CNTN5: variants seen among roughly 807,000 people sequenced by gnomAD.
CNTN5 encodes contactin 5, also known as contactin-5.
In CNTN5, 77 loss-of-function variants were observed where a neutral mutation model predicts 129.1. The observed-to-expected ratio is 0.60, with a 90% CI of 0.50 to 0.72. The LOEUF (loss-of-function observed/expected upper bound fraction) is 0.72, where lower values mean the gene tolerates loss of function less well. Among genes scored for constraint, CNTN5 ranks in the 30% least tolerant of loss-of-function variants. The pLI is 0.00. For synonymous variants in CNTN5, 509 were observed against 465.6 expected, an observed-to-expected ratio of 1.09 and a Z score of -1.20; for missense variants, 1,478 against 1,328.8, an observed-to-expected ratio of 1.11 and a Z score of -1.75.
chr11:99,315,245 T>A (rs1027765884), intron 1 of CNTN5, among the ~76,000 whole-genome samples: 1 of 148,912 alleles, frequency 6.7e-6, no homozygotes, highest in East Asian at 2.0e-4. Flanking sequence ...AAAAAAAAAG[T>A]ATTACAAATG....
chr11:100,183,241 C>G (rs1948193434), intron 13 of CNTN5, among the ~76,000 whole-genome samples: 1 of 152,116 alleles, frequency 6.6e-6, no homozygotes, highest in African/African-American at 2.4e-5. Flanking sequence ...TCATTGCAAT[C>G]TTAAATATTT....
intron 3 of CNTN5, among the ~76,000 whole-genome samples, chr11:99,630,735 A>G (rs1407114993): frequency 6.7e-6 from 1 of 148,592 alleles, no homozygotes; most frequent in Non-Finnish European, 1.5e-5. Context: ...TGGATTAGAC[A>G]GTAGAAACTT....
chr11:100,055,271 T>G (rs1001852985), intron 9 of CNTN5, among the ~76,000 whole-genome samples: 14 of 151,692 alleles, frequency 9.2e-5, no homozygotes, highest in Non-Finnish European at 1.8e-4. Flanking sequence ...CAGGACACAT[T>G]AGCTTATGAC....
intron 1 of CNTN5, among the ~76,000 whole-genome samples, chr11:99,111,053 G>A (rs1857771234): frequency 6.6e-6 from 1 of 152,052 alleles, no homozygotes; most frequent in Non-Finnish European, 1.5e-5. Flanking sequence ...TAGATAGTAT[G>A]AATGAAATTT....
At chr11:100,320,201 T>C (rs1221896730) in intron 21 of CNTN5, among the ~76,000 whole-genome samples, 1 of 151,802 alleles carries the variant, frequency 6.6e-6, no homozygotes, top group African/African-American at 2.4e-5. Context: ...CCCTTTTCTC[T>C]ATTTGTTATC....
At chr11:99,307,932 T>G (rs369350522) in intron 1 of CNTN5, among the ~76,000 whole-genome samples, 29 of 152,318 alleles carry the variant, frequency 1.9e-4, no homozygotes, top group African/African-American at 7.0e-4. Flanking sequence ...ACACAGAAAC[T>G]AAATCAATGT....
At chr11:99,076,372 T>C (rs1865574691) in intron 1 of CNTN5, among the ~76,000 whole-genome samples, 1 of 151,958 alleles carries the variant, frequency 6.6e-6, no homozygotes, top group South Asian at 2.1e-4. Context: ...AGTACTTTAC[T>C]TTTGAGGAGA....
At chr11:100,183,836 A>C (rs1050151861) in intron 13 of CNTN5, among the ~76,000 whole-genome samples, 2 of 152,146 alleles carry the variant, frequency 1.3e-5, no homozygotes, top group African/African-American at 4.8e-5. Flanking sequence ...AAAATTAAGA[A>C]CAAATGATTT....
chr11:99,388,496 C>T (rs959984025), intron 2 of CNTN5, among the ~76,000 whole-genome samples: 1 of 150,448 alleles, frequency 6.6e-6, no homozygotes, highest in Non-Finnish European at 1.5e-5. Context: ...TACTTGAAAG[C>T]AGATATAGTG....
intron 3 of CNTN5, among the ~76,000 whole-genome samples, chr11:99,628,016 A>T (rs1565364599): frequency 6.6e-6 from 1 of 150,996 alleles, no homozygotes; most frequent in Non-Finnish European, 1.5e-5. Flanking sequence ...ACTTAAACTG[A>T]ACATGTTTGG....
intron 3 of CNTN5, among the ~76,000 whole-genome samples, chr11:99,794,323 A>C (rs953974261): frequency 6.6e-6 from 1 of 151,628 alleles, no homozygotes; most frequent in African/African-American, 2.4e-5. Flanking sequence ...GTGTCACTGC[A>C]TGTGAGATGG....
In CNTN5 at chr11:99,478,820, T is replaced by C. The variant is rs891881853; in HGVS notation, c.-70-77325T>C. Among the ~76,000 whole-genome samples, 3 of 152,192 alleles carry C rather than the reference T, an allele frequency of 2.0e-5. No homozygotes were observed. The East Asian group carries it at 5.8e-4, about 29-fold the overall frequency. ...TGTTTCCTACTTTTAAAAATATACA[T>C]GTGCATTTTATTGATTCTATTTAAT... is the stretch of plus-strand genomic sequence containing the variant. On this transcript the variant is annotated intron_variant, in intron 2 of 24. Coordinates refer to ENST00000524871, the MANE Select transcript of CNTN5 (RefSeq NM_014361.4).
chr11:99,967,813 G>C (rs1951135387), intron 8 of CNTN5, among the ~76,000 whole-genome samples: 3 of 152,146 alleles, frequency 2.0e-5, no homozygotes, highest in South Asian at 2.1e-4. Flanking sequence ...TGTCTTACTT[G>C]GCAATTTTGT....
chr11:99,927,646 T>A (rs968710948), intron 7 of CNTN5, among the ~76,000 whole-genome samples: 1 of 152,132 alleles, frequency 6.6e-6, no homozygotes, highest in Non-Finnish European at 1.5e-5. Flanking sequence ...CTCACTGTCA[T>A]GAGAACAGCA....
intron 13 of CNTN5, among the ~76,000 whole-genome samples, chr11:100,092,295 G>T (rs557253168): frequency 6.6e-6 from 1 of 152,212 alleles, no homozygotes; most frequent in South Asian, 2.1e-4. Flanking sequence ...CAGCAGTGGG[G>T]TGTAACTTTT....
chr11:99,578,488 CTGT>C (rs1182585582), intron 3 of CNTN5, among the ~76,000 whole-genome samples: 4 of 150,264 alleles, frequency 2.7e-5, no homozygotes, highest in Middle Eastern at 3.4e-3. Context: ...TCTCCAGCAC[CTGT>C]TGTTTCCTGA....
At chr11:100,206,110 A>G (rs1341051213) in intron 15 of CNTN5, among the ~76,000 whole-genome samples, 1 of 152,124 alleles carries the variant, frequency 6.6e-6, no homozygotes, top group African/African-American at 2.4e-5. Context: ...AAGTATGTTC[A>G]GGAAGCTGAG....
At chr11:99,487,879 A>G (rs1399064546) in intron 2 of CNTN5, among the ~76,000 whole-genome samples, 1 of 152,208 alleles carries the variant, frequency 6.6e-6, no homozygotes, top group Non-Finnish European at 1.5e-5. Flanking sequence ...TACGTGCCAC[A>G]TACTTGCATA....
intron 1 of CNTN5, among the ~76,000 whole-genome samples, chr11:99,247,984 G>T (rs1467710871): frequency 2.0e-5 from 3 of 152,092 alleles, no homozygotes; most frequent in African/African-American, 7.2e-5. Context: ...CCCAGTAATG[G>T]GATGGCTGGG....
Sources: gnomAD v4.1 joint callset for allele counts (sites outside exome capture counted in the v4.1 genomes callset) on GRCh38, gnomAD v4.1.1 for gene constraint, MANE v1.5 for transcripts, NCBI Gene and HGNC (gene_info 2026-07-23, HGNC 2026-07-21) for gene names.